The following CD99 variants were observed in gnomAD, a reference collection of about 807,000 sequenced individuals.
CD99 encodes the protein CD99 molecule (Xg blood group).
In CD99, 19 loss-of-function variants were observed where a neutral mutation model predicts 28.4. The ratio of observed to expected loss-of-function variants is 0.67; its 90% CI spans 0.47 to 0.98. The LOEUF (loss-of-function observed/expected upper bound fraction) is 0.98. Among genes scored for constraint, CD99 ranks in the 50% least tolerant of loss-of-function variants. CD99 has a pLI of 0.00. For missense variants in CD99, 283 were observed against 248.8 expected (o/e 1.14, Z -0.92); for synonymous variants, 103 against 92.1 (o/e 1.12, Z -0.67).
intron 8 of CD99, among the ~76,000 whole-genome samples, chrX:2,730,944 AAAAAG>A (rs1357783709): frequency 1.3e-5 from 2 of 151,754 alleles, no homozygotes; most frequent in African/African-American, 2.4e-5. Context: ...AAAAAAAAAA[AAAAAG>A]AGAAAGAAAA....
chrX:2,731,471 T>A (rs2049602677), intron 8 of CD99, among the ~76,000 whole-genome samples: 1 of 152,150 alleles, frequency 6.6e-6, no homozygotes, highest in African/African-American at 2.4e-5. Flanking sequence ...ACACATGTAT[T>A]TCCAGGTACT....
rs1197348231 is a variant in CD99 at position 2,691,331 on chromosome X, G to A, written c.-30G>A. On this transcript the variant is annotated 5_prime_UTR_variant, in exon 1 of 10. Transcript: ENST00000381192. ...CGCCTTCGCCCACGCCCTGCACTCC[G>A]GGACCGTCCCTGCGCGCTCTGGGCG... 5 of 1,535,326 alleles carry A rather than the reference G, an allele frequency of 3.3e-6. No homozygotes were observed. Among genetic ancestry groups the A allele is most frequent in the Non-Finnish European group, 4.3e-6 (5 of 1,150,308 alleles).
At chrX:2,706,616 C>T (rs921364580) in intron 1 of CD99, among the ~76,000 whole-genome samples, 2 of 152,070 alleles carry the variant, frequency 1.3e-5, no homozygotes, top group Admixed American at 1.3e-4. Flanking sequence ...GGACATTTTT[C>T]AGCAGGGACA....
intron 1 of CD99, among the ~76,000 whole-genome samples, chrX:2,700,405 C>CT (rs1306253015): frequency 6.6e-6 from 1 of 151,918 alleles, no homozygotes; most frequent in African/African-American, 2.4e-5. Flanking sequence ...ATGCATCCTC[C>CT]TTTTATCCAT....
chrX:2,733,036 C>A (rs1177163228), intron 8 of CD99, among the ~76,000 whole-genome samples: 1 of 140,116 alleles, frequency 7.1e-6, no homozygotes, highest in Non-Finnish European at 1.6e-5. Context: ...TTTTTTCCAA[C>A]CTCCTTCCCT....
intron 3 of CD99, among the ~76,000 whole-genome samples, chrX:2,718,252 C>A (rs1159419048): frequency 6.6e-6 from 1 of 151,870 alleles, no homozygotes; most frequent in African/African-American, 2.4e-5. Flanking sequence ...ATTTCAACTT[C>A]CTAGGAGAGA....
chrX:2,741,142 G>A lies in CD99; in HGVS notation c.*338G>A, dbSNP rs924850670. On this transcript the variant is annotated 3_prime_UTR_variant, in exon 10 of 10. Coordinates refer to ENST00000381192, the MANE Select transcript of CD99 (RefSeq NM_002414.5). Reference sequence around the variant, plus strand: ...CACCCCCCCGTCCCCCAGAATCTTGGCTGTTTACAAATCACGTGTCCATCG... The same window carrying A: ...CACCCCCCCGTCCCCCAGAATCTTGACTGTTTACAAATCACGTGTCCATCG... 19 of 358,542 alleles carry A rather than the reference G, an allele frequency of 5.3e-5. No homozygotes were observed. The highest frequency in any genetic ancestry group is 8.6e-5 in the Non-Finnish European group (17 of 197,900). 22.2% of individuals were successfully genotyped at this position (358,542 alleles called of 1,614,324 possible). A position where few individuals can be genotyped will look rare whatever the true frequency, so the allele number is the denominator to read the frequency against.
intron 8 of CD99, chrX:2,733,238 G>T: frequency 9.4e-7 from 1 of 1,060,934 alleles, no homozygotes; most frequent in Non-Finnish European, 1.4e-6. Flanking sequence ...TCCTTGCTCA[G>T]AGCAGCTCTT....
Position 2,726,390 on chromosome X carries a change from C to T in CD99, c.475+17C>T, listed in dbSNP as rs188762149. 2.1e-5 allele frequency: 30 copies of T among 1,455,920 alleles called. No individual in the cohort carries two copies. The highest frequency in any genetic ancestry group is 2.1e-4 in the Middle Eastern group (1 of 4,772). 90.2% of individuals were successfully genotyped at this position (1,455,920 alleles called of 1,614,324 possible). A position where few individuals can be genotyped will look rare whatever the true frequency, so the allele number is the denominator to read the frequency against. ...AAGAAAATGGTAAGTCTCAGTCCGC[C>T]GGTGCCTCTCCTTCATGCCTTGCTG... is the stretch of plus-strand genomic sequence containing the variant. On this transcript the variant is annotated intron_variant, in intron 8 of 9. Coordinates refer to ENST00000381192, the MANE Select transcript of CD99 (RefSeq NM_002414.5).
At chrX:2,740,111 A>AATG (rs1310455913) in intron 9 of CD99, among the ~76,000 whole-genome samples, 5 of 151,766 alleles carry the variant, frequency 3.3e-5, no homozygotes, top group Non-Finnish European at 7.4e-5. Context: ...TAATAATAAT[A>AATG]ATAAAAGAAA....
intron 1 of CD99, among the ~76,000 whole-genome samples, chrX:2,696,434 C>G (rs1186175091): frequency 6.6e-6 from 1 of 152,066 alleles, no homozygotes; most frequent in African/African-American, 2.4e-5. Flanking sequence ...AAGTCTCGCT[C>G]TTTTTCCCCA....
chrX:2,720,555 G>A, intron 5 of CD99, 131 bp downstream of exon 5: 2 of 562,798 alleles, frequency 3.6e-6, no homozygotes, highest in Non-Finnish European at 6.3e-6. Flanking sequence ...TAATGCCCAT[G>A]TTCATGTAAT....
intron 9 of CD99, 142 bp from the exon 10 acceptor site, chrX:2,740,637 G>T: frequency 1.5e-6 from 1 of 683,936 alleles, no homozygotes; most frequent in Non-Finnish European, 2.5e-6. Flanking sequence ...GAGATTTAGG[G>T]TTTTGCTTTC....
chrX:2,700,393 C>T (rs1183778913), intron 1 of CD99, among the ~76,000 whole-genome samples: 1 of 152,006 alleles, frequency 6.6e-6, no homozygotes, highest in African/African-American at 2.4e-5. Flanking sequence ...ATCCATCCAG[C>T]CATGCATCCT....
chrX:2,692,064 G>A (rs1454995410), intron 1 of CD99: 40 of 614,264 alleles, frequency 6.5e-5, no homozygotes, highest in Non-Finnish European at 8.5e-5. Flanking sequence ...GTCCATCTGC[G>A]GCGGTGGAGA....
chrX:2,723,814 C>T (rs971540864), intron 7 of CD99, among the ~76,000 whole-genome samples: 10 of 152,174 alleles, frequency 6.6e-5, no homozygotes, highest in Middle Eastern at 3.4e-3. Flanking sequence ...ATGGAAGTGC[C>T]GGTGATGTAT....
At chrX:2,701,986 C>A (rs948824934) in intron 1 of CD99, among the ~76,000 whole-genome samples, 1 of 152,188 alleles carries the variant, frequency 6.6e-6, no homozygotes, top group Non-Finnish European at 1.5e-5. Context: ...CTGCATCTCA[C>A]CTTGGAAAGT....
intron 1 of CD99, among the ~76,000 whole-genome samples, chrX:2,704,632 C>T (rs1037389215): frequency 1.1e-4 from 17 of 151,970 alleles, no homozygotes; most frequent in African/African-American, 3.9e-4. Context: ...CCTTGTTGGC[C>T]AGGCTGGTCT....
At chrX:2,720,620 CTTTTTTTTTT>C (rs71281938) in intron 5 of CD99, among the ~76,000 whole-genome samples, 196 bp downstream of exon 5, 1,243 of 83,970 alleles carry the variant, frequency 0.015, 12 homozygotes, top group Middle Eastern at 0.032. Context: ...TTTTAGTTTG[CTTTTTTTTTT>C]TTTTTTTTTT....
Sources: gnomAD v4.1 joint callset for allele counts (sites outside exome capture counted in the v4.1 genomes callset) on GRCh38, gnomAD v4.1.1 for gene constraint, MANE v1.5 for transcripts, NCBI Gene and HGNC (gene_info 2026-07-23, HGNC 2026-07-21) for gene names.